The following MAP2K4 variants were observed in gnomAD, a reference collection of about 807,000 sequenced individuals.
The protein encoded by MAP2K4 is dual specificity mitogen-activated protein kinase kinase 4.
A neutral mutation model predicts 48.5 loss-of-function variants in MAP2K4; 4 were observed. That is an observed-to-expected ratio of 0.08 (90% confidence interval 0.04 to 0.19). The LOEUF (loss-of-function observed/expected upper bound fraction) is 0.19. Among genes scored for constraint, MAP2K4 ranks in the 10% least tolerant of loss-of-function variants. The pLI is 1.00. For missense variants in MAP2K4, 258 were observed against 493.3 expected, an observed-to-expected ratio of 0.52 and a Z score of 4.52; for synonymous variants, 166 against 173.1, an observed-to-expected ratio of 0.96 and a Z score of 0.32.
intron 9 of MAP2K4, among the ~76,000 whole-genome samples, chr17:12,132,225 A>G (rs1973051072): frequency 6.6e-6 from 1 of 152,224 alleles, no homozygotes; most frequent in Non-Finnish European, 1.5e-5. Context: ...TGGTTCAGCA[A>G]TTCAAGTTCT....
intron 3 of MAP2K4, among the ~76,000 whole-genome samples, chr17:12,086,211 A>G (rs989842482): frequency 1.3e-5 from 2 of 152,336 alleles, no homozygotes; most frequent in South Asian, 4.1e-4. Context: ...ACTGTAGTCT[A>G]ATATCTTAGG....
intron 1 of MAP2K4, among the ~76,000 whole-genome samples, chr17:12,029,050 T>C (rs566852022): frequency 6.6e-6 from 1 of 152,220 alleles, no homozygotes; most frequent in Non-Finnish European, 1.5e-5. Flanking sequence ...CACCATTTGC[T>C]TTTTGTTTTT....
At chr17:12,030,826 A>G (rs1969414593) in intron 1 of MAP2K4, among the ~76,000 whole-genome samples, 1 of 152,054 alleles carries the variant, frequency 6.6e-6, no homozygotes, top group South Asian at 2.1e-4. Flanking sequence ...TTTGCTTTAA[A>G]GTTGTTTGTT....
chr17:12,084,378 G>A (rs1196090175), intron 3 of MAP2K4, among the ~76,000 whole-genome samples: 3 of 152,242 alleles, frequency 2.0e-5, no homozygotes, highest in Admixed American at 6.5e-5. Context: ...TTAATTGCAC[G>A]TGCTTGGGAA....
intron 6 of MAP2K4, chr17:12,112,917 C>T (rs951031038): frequency 1.2e-5 from 2 of 169,832 alleles, no homozygotes; most frequent in Non-Finnish European, 2.5e-5. Flanking sequence ...TAGAAGAAAA[C>T]CATTGTTTTT....
chr17:12,094,730 G>C (rs1207358355), intron 3 of MAP2K4, among the ~76,000 whole-genome samples: 1 of 152,080 alleles, frequency 6.6e-6, no homozygotes, highest in Non-Finnish European at 1.5e-5. Context: ...GAGGTGGGAG[G>C]AGGTGGGGTA....
At chr17:12,058,866 G>T (rs1340834751) in intron 2 of MAP2K4, among the ~76,000 whole-genome samples, 1 of 151,968 alleles carries the variant, frequency 6.6e-6, no homozygotes, top group African/African-American at 2.4e-5. Flanking sequence ...TTTGAAGTGA[G>T]GTCTATACAA....
chr17:12,029,556 G>T (rs1969365386), intron 1 of MAP2K4, among the ~76,000 whole-genome samples: 1 of 152,074 alleles, frequency 6.6e-6, no homozygotes, highest in African/African-American at 2.4e-5. Context: ...CTATCAACAG[G>T]TTCAACGGAT....
At chr17:12,064,021 G>GGAGAGAGAGA (rs34670472) in intron 2 of MAP2K4, among the ~76,000 whole-genome samples, 1 of 93,566 alleles carries the variant, frequency 1.1e-5, no homozygotes, top group Admixed American at 1.3e-4. Context: ...GGGAAGGGGG[G>GGAGAGAGAGA]GAGAGAGAGA....
chr17:12,059,854 A>C (rs1970394979), intron 2 of MAP2K4, among the ~76,000 whole-genome samples: 1 of 152,150 alleles, frequency 6.6e-6, no homozygotes, highest in South Asian at 2.1e-4. Context: ...AAATTGTGAG[A>C]ACTGTGTCTT....
chr17:12,056,447 G>A (rs1012762285), intron 2 of MAP2K4, among the ~76,000 whole-genome samples: 3 of 151,942 alleles, frequency 2.0e-5, no homozygotes, highest in Non-Finnish European at 2.9e-5. Context: ...TTTATTTTTT[G>A]TTTTGTTCTT....
At chr17:12,090,015 C>T (rs1971510691) in intron 3 of MAP2K4, among the ~76,000 whole-genome samples, 2 of 152,150 alleles carry the variant, frequency 1.3e-5, no homozygotes, top group Admixed American at 6.5e-5. Context: ...ATCCTTTTTG[C>T]CTAGAATGTT....
rs1163694710 is a variant in MAP2K4, at chr17:12,143,509, A to T, written c.*2249A>T. 2 of 231,756 alleles carry T rather than the reference A, an allele frequency of 8.6e-6. No individual in the cohort carries two copies. Among genetic ancestry groups the T allele is most frequent in the Non-Finnish European group, 1.7e-5 (2 of 116,926 alleles). The allele number at this position is 231,756 out of a possible 1,614,324, so 14.4% of individuals were successfully genotyped here. A position where few individuals can be genotyped will look rare whatever the true frequency, so the allele number is the denominator to read the frequency against. The stretch of plus-strand genomic sequence containing the variant: ...TTTCTCTTGTACCATAGAAAAATGT[A>T]TAAAAATTATCAAAAAGCTAATGTG... On this transcript the variant is annotated 3_prime_UTR_variant, in exon 11 of 11. Transcript: ENST00000353533.
chr17:12,088,607 A>G (rs1258074364), intron 3 of MAP2K4, among the ~76,000 whole-genome samples: 2 of 131,564 alleles, frequency 1.5e-5, no homozygotes, highest in African/African-American at 2.7e-5. Context: ...TATTATATAT[A>G]ATATGTAAAA....
chr17:12,069,072 A>G (rs893255941), intron 2 of MAP2K4, among the ~76,000 whole-genome samples: 2 of 152,196 alleles, frequency 1.3e-5, no homozygotes, highest in Non-Finnish European at 2.9e-5. Context: ...CTGGTAGTGC[A>G]TGATGTTATA....
At chr17:12,094,589 A>G (rs1349975856) in intron 3 of MAP2K4, among the ~76,000 whole-genome samples, 1 of 152,200 alleles carries the variant, frequency 6.6e-6, no homozygotes, top group Non-Finnish European at 1.5e-5. Flanking sequence ...CTTTTTTATG[A>G]GAACAGAAGT....
chr17:12,108,586 T>C (rs1972204190), intron 5 of MAP2K4, among the ~76,000 whole-genome samples: 1 of 152,072 alleles, frequency 6.6e-6, no homozygotes, highest in South Asian at 2.1e-4. Context: ...AAAAAGATAA[T>C]TTACTTTTTA....
At chr17:12,054,747 C>T in intron 1 of MAP2K4, 142 bp from the exon 2 acceptor site, 1 of 501,868 alleles carries the variant, frequency 2.0e-6, no homozygotes, top group Non-Finnish European at 3.6e-6. Context: ...AGAAATTCCT[C>T]ATTGCCTTTC....
chr17:12,041,279 T>C (rs1413021966), intron 1 of MAP2K4, among the ~76,000 whole-genome samples: 1 of 152,252 alleles, frequency 6.6e-6, no homozygotes, highest in East Asian at 1.9e-4. Flanking sequence ...AAGAGGAGTA[T>C]AATATTGCTA....
Sources: gnomAD v4.1 joint callset for allele counts (sites outside exome capture counted in the v4.1 genomes callset) on GRCh38, gnomAD v4.1.1 for gene constraint, MANE v1.5 for transcripts, NCBI Gene and HGNC (gene_info 2026-07-23, HGNC 2026-07-21) for gene names.